Variants in GNA14 observed in about 807,000 individuals in gnomAD.
GNA14 encodes G protein subunit alpha 14.
In GNA14, 50 loss-of-function variants were observed where a neutral mutation model predicts 42.0. That is an observed-to-expected ratio of 1.19 (90% CI 0.95 to 1.51). The LOEUF (loss-of-function observed/expected upper bound fraction) is 1.51. GNA14 is among the 40% of genes most tolerant of loss of function. GNA14 has a pLI of 0.00. For missense variants in GNA14, 473 were observed against 446.2 expected (o/e 1.06, Z -0.54); for synonymous variants, 173 against 163.1 (o/e 1.06, Z -0.46).
At chr9:77,544,935 TCTAA>T (rs1397349739) in intron 1 of GNA14, among the ~76,000 whole-genome samples, 1 of 152,106 alleles carries the variant, frequency 6.6e-6, no homozygotes, top group Non-Finnish European at 1.5e-5. Flanking sequence ...TGAGAAGTAA[TCTAA>T]CACTACAGCA....
At chr9:77,615,733 A>G (rs1823802452) in intron 1 of GNA14, among the ~76,000 whole-genome samples, 1 of 144,248 alleles carries the variant, frequency 6.9e-6, no homozygotes, top group Non-Finnish European at 1.6e-5. Flanking sequence ...ACACACACAC[A>G]CACACACACA....
intron 2 of GNA14, among the ~76,000 whole-genome samples, chr9:77,521,384 C>G (rs1460826066): frequency 4.6e-5 from 7 of 152,078 alleles, no homozygotes; most frequent in Non-Finnish European, 4.4e-5. Flanking sequence ...GGAAGTGGGA[C>G]AGAAAAATTT....
At chr9:77,456,470 C>T (rs1007543317) in intron 2 of GNA14, 3 of 152,182 alleles carry the variant, frequency 2.0e-5, no homozygotes, top group African/African-American at 7.2e-5. Context: ...AGCTAAACCC[C>T]GCTTGAAAGT....
Position 77,511,199 on chromosome 9 carries a change from C to T in GNA14, c.309+17870G>A, listed in dbSNP as rs142266518. Among the ~76,000 whole-genome samples, 225 of 152,204 alleles carry T rather than the reference C, an allele frequency of 1.5e-3. 1 individual carries two copies. Among genetic ancestry groups the T allele is most frequent in the African/African-American group, 5.3e-3 (220 of 41,548 alleles). Reference sequence around the variant, plus strand: ...AATTCTAAGACAGCTCCTCCATTCCCCCTATAGTTCAGAAGCTAAAGATCA... The same window carrying T: ...AATTCTAAGACAGCTCCTCCATTCCTCCTATAGTTCAGAAGCTAAAGATCA... On this transcript the variant is annotated intron_variant, in intron 2 of 6. Coordinates refer to ENST00000341700, the MANE Select transcript of GNA14 (RefSeq NM_004297.4).
chr9:77,581,947 T>C (rs1218519814), intron 1 of GNA14, among the ~76,000 whole-genome samples: 5 of 152,202 alleles, frequency 3.3e-5, no homozygotes, highest in Non-Finnish European at 7.3e-5. Flanking sequence ...AAGCTTCCTA[T>C]TCTCAACTCT....
intron 1 of GNA14, among the ~76,000 whole-genome samples, chr9:77,626,220 G>A (rs1316114533): frequency 6.6e-6 from 1 of 152,108 alleles, no homozygotes; most frequent in African/African-American, 2.4e-5. Context: ...ACCCAATAGA[G>A]GAGCACCCAG....
intron 2 of GNA14, among the ~76,000 whole-genome samples, chr9:77,438,552 G>A (rs970223457): frequency 3.2e-4 from 49 of 151,304 alleles, no homozygotes; most frequent in African/African-American, 1.2e-3. Flanking sequence ...ACAGGCATAA[G>A]CCACCACGCC....
chr9:77,441,924 T>C (rs1352232866), intron 2 of GNA14, among the ~76,000 whole-genome samples: 1 of 152,242 alleles, frequency 6.6e-6, no homozygotes, highest in Non-Finnish European at 1.5e-5. Context: ...GCTAGTTAAC[T>C]ATGCCAGAGA....
At chr9:77,494,698 G>A (rs531761581) in intron 2 of GNA14, among the ~76,000 whole-genome samples, 28 of 152,320 alleles carry the variant, frequency 1.8e-4, no homozygotes, top group African/African-American at 6.5e-4. Context: ...ATATTGAGCT[G>A]TAAGTATTTA....
At chr9:77,484,011 C>T (rs1404964003) in intron 2 of GNA14, among the ~76,000 whole-genome samples, 1 of 152,170 alleles carries the variant, frequency 6.6e-6, no homozygotes, top group Non-Finnish European at 1.5e-5. Flanking sequence ...CAGAATAAGA[C>T]ATTTAAGACA....
intron 1 of GNA14, among the ~76,000 whole-genome samples, chr9:77,574,859 T>G (rs957988907): frequency 2.0e-5 from 3 of 152,216 alleles, no homozygotes; most frequent in African/African-American, 7.2e-5. Flanking sequence ...TTGTCCCAGA[T>G]GACACTCTCT....
chr9:77,561,613 A>C (rs916001563), intron 1 of GNA14, among the ~76,000 whole-genome samples: 4 of 152,218 alleles, frequency 2.6e-5, no homozygotes, highest in Non-Finnish European at 4.4e-5. Context: ...CAAAAGGGCA[A>C]ATATTATATG....
chr9:77,423,638 C>A lies in GNA14; in HGVS notation c.*341G>T, dbSNP rs1835408562. ...GATCTATAAACTAACAGGCTCCTTG[C>A]TTACATAATTTTAATCGCTATTTTT... On this transcript the variant is annotated 3_prime_UTR_variant, in exon 7 of 7. Transcript: ENST00000341700. The A allele has an allele frequency of 6.3e-6, 1 of 158,298 alleles. No individual in the cohort carries two copies. Among genetic ancestry groups the A allele is most frequent in the Non-Finnish European group, 1.4e-5 (1 of 72,258 alleles). The allele number at this position is 158,298 out of a possible 1,614,324, so 9.8% of individuals were successfully genotyped here.
chr9:77,545,446 C>A (rs1049223226), intron 1 of GNA14, among the ~76,000 whole-genome samples: 8 of 151,992 alleles, frequency 5.3e-5, no homozygotes, highest in African/African-American at 1.9e-4. Flanking sequence ...AATATATATG[C>A]AAATAGGTAT....
intron 1 of GNA14, among the ~76,000 whole-genome samples, chr9:77,566,990 G>T (rs1289779055): frequency 6.6e-6 from 1 of 152,036 alleles, no homozygotes; most frequent in Non-Finnish European, 1.5e-5. Flanking sequence ...CAAAAATACT[G>T]CCCTTGGAAT....
Position 77,428,976 on chromosome 9 carries a change from A to G in GNA14, c.654T>C (p.Ser218=), listed in dbSNP as rs772142066. The stretch of plus-strand genomic sequence containing the variant: ...CAACCAAGAAAATAATGGAGGTGAC[A>G]CTCTCAAAGCAGTGAATCCACTTCC... ...ERRKWIHCFE[S]VTSIIFLVAL... The change falls in exon 5 of 7, where the codon AGT becomes AGC. Residue 218 remains serine (S), a synonymous_variant. Transcript: ENST00000341700. The G allele has an allele frequency of 1.2e-6, 2 of 1,613,648 alleles. No homozygotes were observed. Among genetic ancestry groups the G allele is most frequent in the Non-Finnish European group, 1.7e-6 (2 of 1,179,650 alleles).
At chr9:77,434,668 T>C in intron 2 of GNA14, 146 bp from the exon 3 acceptor site, 1 of 662,122 alleles carries the variant, frequency 1.5e-6, no homozygotes, top group Non-Finnish European at 2.6e-6. Context: ...CAGGGGCCGC[T>C]CACAGCCAAG....
intron 2 of GNA14, chr9:77,517,492 G>T: frequency 6.6e-6 from 1 of 151,204 alleles, no homozygotes; most frequent in Non-Finnish European, 1.5e-5. Context: ...GGGTGAGGAC[G>T]CACCTGGAAG....
chr9:77,543,348 G>T (rs980811630), intron 1 of GNA14, among the ~76,000 whole-genome samples: 1 of 152,154 alleles, frequency 6.6e-6, no homozygotes, highest in African/African-American at 2.4e-5. Flanking sequence ...GCTGCAGTGG[G>T]ATTTGTCCTC....
Sources: gnomAD v4.1 joint callset for allele counts (sites outside exome capture counted in the v4.1 genomes callset) on GRCh38, gnomAD v4.1.1 for gene constraint, MANE v1.5 for transcripts, NCBI Gene and HGNC (gene_info 2026-07-23, HGNC 2026-07-21) for gene names.